Variants in FGFR2 observed in about 807,000 individuals in gnomAD.
FGFR2 encodes the protein BEK fibroblast growth factor receptor.
FGFR2 carries 19 observed loss-of-function variants against 95.9 expected under a neutral mutation model. The observed-to-expected ratio is 0.20, with a 90% CI of 0.14 to 0.29. FGFR2 has a LOEUF of 0.29. Among genes scored for constraint, FGFR2 ranks in the 10% least tolerant of loss-of-function variants. The pLI is 1.00. For synonymous variants in FGFR2, 392 were observed against 393.3 expected (o/e 1.00, Z 0.04); for missense variants, 707 against 1,056.9 (o/e 0.67, Z 4.59).
intron 13 of FGFR2, among the ~76,000 whole-genome samples, chr10:121,494,087 T>C (rs1027419443): frequency 2.0e-5 from 3 of 151,602 alleles, no homozygotes; most frequent in Non-Finnish European, 4.4e-5. Context: ...AGCCTTCCCA[T>C]TCACCACACA....
At position 121,478,345 on chromosome 10, in the gene FGFR2, T is replaced by C. The variant is rs141765473; in HGVS notation, c.*1512A>G. ...AAGACACGAGTATTAAAAAAATAAG[T>C]TGCGTGACATTTATTTTGTCTTGTT... is the stretch of plus-strand genomic sequence containing the variant. On this transcript the variant is annotated 3_prime_UTR_variant, in exon 18 of 18. Coordinates refer to ENST00000358487, the MANE Select transcript of FGFR2 (RefSeq NM_000141.5). The C allele has an allele frequency of 1.0e-4, 23 of 230,876 alleles. No individual in the cohort carries two copies. Among genetic ancestry groups the C allele is most frequent in the Middle Eastern group, 1.3e-3 (1 of 768 alleles). The allele number at this position is 230,876 out of a possible 1,614,324, so 14.3% of individuals were successfully genotyped here.
chr10:121,588,527 G>T (rs976446724), intron 2 of FGFR2, among the ~76,000 whole-genome samples: 1 of 152,102 alleles, frequency 6.6e-6, no homozygotes, highest in African/African-American at 2.4e-5. Flanking sequence ...GCATTTCAAT[G>T]CTAGGAAAGC....
rs1857568412 is a variant in FGFR2, at chr10:121,565,658, AGCC to A, written c.153_155del (p.Ala53del). On this transcript the variant is annotated inframe_deletion, in exon 3 of 18. Transcript: ENST00000358487. ...GCACCTCTAGCGACTCCCCTGGCGC[AGCC>A]ACGTACACTTCTGGTTGAGAGATTT... 1 of 1,614,112 alleles carries A rather than the reference AGCC, an allele frequency of 6.2e-7. No homozygotes were observed. The highest frequency in any genetic ancestry group is 8.5e-7 in the Non-Finnish European group (1 of 1,180,040).
At chr10:121,577,368 C>T (rs1158701350) in intron 2 of FGFR2, among the ~76,000 whole-genome samples, 1 of 151,318 alleles carries the variant, frequency 6.6e-6, no homozygotes, top group Non-Finnish European at 1.5e-5. Context: ...AAAGACCTTC[C>T]GGCTGAAATC....
chr10:121,490,307 G>A (rs1386384094), intron 13 of FGFR2, among the ~76,000 whole-genome samples: 5 of 152,002 alleles, frequency 3.3e-5, no homozygotes, highest in Admixed American at 2.6e-4. Context: ...TGGGATTGCA[G>A]GTGCCCACCA....
chr10:121,527,592 A>AT (rs899430839), intron 6 of FGFR2: 2 of 13,378 alleles, frequency 1.5e-4, no homozygotes, highest in African/African-American at 1.7e-4. Flanking sequence ...TTTTACCACA[A>AT]TTTTTTTTTA....
intron 8 of FGFR2, among the ~76,000 whole-genome samples, chr10:121,515,557 T>A (rs1293833275): frequency 6.6e-6 from 1 of 152,084 alleles, no homozygotes; most frequent in Non-Finnish European, 1.5e-5. Context: ...AGTGAGTGGT[T>A]GACACCCAGT....
chr10:121,594,243 G>A (rs911684141), intron 1 of FGFR2: 59 of 386,220 alleles, frequency 1.5e-4, no homozygotes, highest in Middle Eastern at 7.2e-4. Context: ...CCACTTCAGT[G>A]AGGCAATGTG....
intron 16 of FGFR2, 125 bp from the exon 17 acceptor site, chr10:121,483,928 C>G: frequency 1.4e-6 from 1 of 725,102 alleles, no homozygotes; most frequent in Non-Finnish European, 2.4e-6. Context: ...TTCCAAGCAA[C>G]TAGATTAGGG....
chr10:121,579,667 A>G (rs1164322426), intron 2 of FGFR2, among the ~76,000 whole-genome samples: 1 of 152,184 alleles, frequency 6.6e-6, no homozygotes, highest in Non-Finnish European at 1.5e-5. Context: ...GTAACACACC[A>G]CAGAATTCCC....
rs867333518 is a variant in FGFR2 at position 121,594,003 on chromosome 10, C to T, written c.-150-36G>A. On this transcript the variant is annotated intron_variant, in intron 1 of 17. Coordinates refer to ENST00000358487, the MANE Select transcript of FGFR2 (RefSeq NM_000141.5). Reference sequence around the variant, plus strand: ...GAGATTGGCGAGTCAGGGAATCTTCCCCAATGCCAAATCACTCCAGCCCAA... The same window carrying T: ...GAGATTGGCGAGTCAGGGAATCTTCTCCAATGCCAAATCACTCCAGCCCAA... The T allele has an allele frequency of 1.0e-5, 7 of 683,502 alleles. No individual in the cohort carries two copies. In the Middle Eastern group the frequency reaches 1.2e-3, roughly 117 times the overall value. The allele number at this position is 683,502 out of a possible 1,614,324, so 42.3% of individuals were successfully genotyped here.
At chr10:121,527,062 C>T in intron 6 of FGFR2, 1 of 302,798 alleles carries the variant, frequency 3.3e-6, no homozygotes. Flanking sequence ...AAGCAAAACA[C>T]CACTAATGCC....
At chr10:121,578,161 T>C (rs1860230985) in intron 2 of FGFR2, among the ~76,000 whole-genome samples, 1 of 152,090 alleles carries the variant, frequency 6.6e-6, no homozygotes, top group African/African-American at 2.4e-5. Context: ...AGGAATCTTC[T>C]GAAAAGCACA....
chr10:121,520,980 C>G (rs1468429218), intron 6 of FGFR2, among the ~76,000 whole-genome samples: 1 of 152,214 alleles, frequency 6.6e-6, no homozygotes, highest in Non-Finnish European at 1.5e-5. Flanking sequence ...AGACTTCCAA[C>G]CTTTGTTTTA....
rs1336170707 is a variant in FGFR2, at chr10:121,584,932, C to T, written c.109+8777G>A. 1.6e-4 allele frequency among the ~76,000 whole-genome samples: 23 copies of T among 145,018 alleles called. 1 individual carries two copies. Among genetic ancestry groups the T allele is most frequent in the Non-Finnish European group, 2.9e-4 (19 of 66,080 alleles). Reference sequence around the variant, plus strand: ...ACGATCCCATAACCCCTCTCCATCCCGCACCACCCCAACCGATCCCATAAC... The same window carrying T: ...ACGATCCCATAACCCCTCTCCATCCTGCACCACCCCAACCGATCCCATAAC... On this transcript the variant is annotated intron_variant, in intron 2 of 17. Transcript: ENST00000358487.
chr10:121,500,170 C>A (rs1018101712), intron 11 of FGFR2, among the ~76,000 whole-genome samples: 1 of 152,196 alleles, frequency 6.6e-6, no homozygotes, highest in Non-Finnish European at 1.5e-5. Context: ...GTTAAAAGTT[C>A]TTTAAGTTCT....
At chr10:121,548,281 G>GTTTTTTTTTTTTTTTTTTTTTTTTTTTT (rs1854856584) in intron 5 of FGFR2, among the ~76,000 whole-genome samples, 1 of 31,990 alleles carries the variant, frequency 3.1e-5, no homozygotes, top group Non-Finnish European at 6.2e-5. Flanking sequence ...TTTTTTTTTG[G>GTTTTTTTTTTTTTTTTTTTTTTTTTTTT]TAAAGCAAAA....
chr10:121,498,199 A>G (rs908648634), intron 12 of FGFR2, among the ~76,000 whole-genome samples: 1 of 152,180 alleles, frequency 6.6e-6, no homozygotes, highest in Admixed American at 6.5e-5. Context: ...AAACAAAAAC[A>G]TAAGGAGGCT....
chr10:121,572,282 C>A (rs1850592273), intron 2 of FGFR2, among the ~76,000 whole-genome samples: 1 of 152,016 alleles, frequency 6.6e-6, no homozygotes, highest in African/African-American at 2.4e-5. Flanking sequence ...CGCGCCACTG[C>A]ATTCCTGCCT....
Sources: allele counts gnomAD v4.1 joint callset (sites outside exome capture counted in the v4.1 genomes callset), GRCh38; gene constraint gnomAD v4.1.1; transcripts MANE v1.5; gene names NCBI Gene and HGNC (gene_info 2026-07-23, HGNC 2026-07-21).